The following LAMA2 variants were observed in gnomAD, a reference collection of about 807,000 sequenced individuals.
LAMA2 encodes laminin subunit alpha 2.
LAMA2 carries 269 observed loss-of-function variants against 364.8 expected under a neutral mutation model. That is an observed-to-expected ratio of 0.74 (90% CI 0.67 to 0.82). The LOEUF (loss-of-function observed/expected upper bound fraction) is 0.82, where lower values mean the gene tolerates loss of function less well. Ranked by LOEUF, LAMA2 falls within the 40% of genes least tolerant of loss-of-function variation. The pLI, the probability that LAMA2 is intolerant of heterozygous loss-of-function variation, is 0.00. For missense variants in LAMA2, 3,807 were observed against 3,873.2 expected, an observed-to-expected ratio of 0.98 and a Z score of 0.45; for synonymous variants, 1,379 against 1,370.6, an observed-to-expected ratio of 1.01 and a Z score of -0.14.
At chr6:129,147,542 A>G (rs888722987) in intron 6 of LAMA2, among the ~76,000 whole-genome samples, 1 of 151,950 alleles carries the variant, frequency 6.6e-6, no homozygotes, top group African/African-American at 2.4e-5. Context: ...GAGAGTACTG[A>G]TAGTGGCAAG....
At position 129,050,039 on chromosome 6, in the gene LAMA2, G is replaced by C. The variant is rs373941041; in HGVS notation, c.234G>C (p.Val78=). 7 of 1,614,064 alleles carry C rather than the reference G, an allele frequency of 4.3e-6. No individual in the cohort carries two copies. The highest frequency in any genetic ancestry group is 5.1e-6 in the Non-Finnish European group (6 of 1,180,038). The change falls in exon 2 of 65, where the codon GTG becomes GTC. Residue 78 remains valine, a synonymous_variant. Transcript: ENST00000421865. ...TAGAACATGTCCCTGGGCAGCCTGT[G>C]AGGAACCCGCAGTGTCGAATCTGCA... ...KLVEHVPGQP[V]RNPQCRICNQ...
intron 13 of LAMA2, 96 bp downstream of exon 13, chr6:129,250,309 T>A: frequency 1.3e-6 from 1 of 777,932 alleles, no homozygotes; most frequent in South Asian, 1.4e-5. Flanking sequence ...GACACTGACT[T>A]ACAGGACTAC....
intron 1 of LAMA2, among the ~76,000 whole-genome samples, chr6:129,017,880 A>C (rs562676671): frequency 6.6e-6 from 1 of 152,176 alleles, no homozygotes; most frequent in African/African-American, 2.4e-5. Flanking sequence ...TTAAGTTAGC[A>C]TCAAGGGTAA....
Position 128,883,183 on chromosome 6 carries a change from A to C in LAMA2, c.-63A>C. The C allele has an allele frequency of 6.9e-7, 1 of 1,459,450 alleles. No homozygotes were observed. The allele number at this position is 1,459,450 out of a possible 1,614,324, so 90.4% of individuals were successfully genotyped here. Reference sequence around the variant, plus strand: ...CTCGCTCAGCTCACAAGCCAAGGCCAGGGGACAGGGCGGCAGCGACTCCTC... The same window carrying C: ...CTCGCTCAGCTCACAAGCCAAGGCCCGGGGACAGGGCGGCAGCGACTCCTC... On this transcript the variant is annotated 5_prime_UTR_variant, in exon 1 of 65. Transcript: ENST00000421865.
chr6:129,034,997 C>A (rs1436861605), intron 1 of LAMA2, among the ~76,000 whole-genome samples: 8 of 152,086 alleles, frequency 5.3e-5, no homozygotes, highest in Admixed American at 5.2e-4. Context: ...TGGGTAGATA[C>A]CCAGTAATGG....
chr6:128,898,908 A>G (rs1371730845), intron 1 of LAMA2, among the ~76,000 whole-genome samples: 1 of 152,088 alleles, frequency 6.6e-6, no homozygotes, highest in African/African-American at 2.4e-5. Context: ...TGTCCAGAGC[A>G]TTGTTCCATT....
chr6:128,997,772 C>G (rs7774641), intron 1 of LAMA2, among the ~76,000 whole-genome samples: 52,119 of 151,862 alleles, frequency 0.34, 10,696 homozygotes, highest in African/African-American at 0.58. Context: ...TCCAGCCTGG[C>G]CAACAGAGCG....
intron 17 of LAMA2, among the ~76,000 whole-genome samples, chr6:129,272,406 A>G (rs1788001516): frequency 6.6e-6 from 1 of 152,160 alleles, no homozygotes; most frequent in African/African-American, 2.4e-5. Context: ...TGTGTAAACC[A>G]CCTAAACTGT....
intron 34 of LAMA2, among the ~76,000 whole-genome samples, chr6:129,379,393 A>C (rs1778554032): frequency 6.6e-6 from 1 of 152,128 alleles, no homozygotes; most frequent in African/African-American, 2.4e-5. Context: ...AAAAGTTAAA[A>C]AAATATAAAA....
intron 1 of LAMA2, among the ~76,000 whole-genome samples, chr6:128,992,047 G>C (rs145618142): frequency 7.2e-5 from 11 of 152,136 alleles, no homozygotes; most frequent in African/African-American, 2.4e-4. Flanking sequence ...TGTTTAAAAC[G>C]TCAGATGCAA....
intron 1 of LAMA2, among the ~76,000 whole-genome samples, chr6:128,889,985 A>G (rs1351329163): frequency 6.6e-6 from 1 of 152,146 alleles, no homozygotes; most frequent in Non-Finnish European, 1.5e-5. Flanking sequence ...AGTTCAAACA[A>G]CAAGTTAATC....
chr6:129,381,997 T>G (rs1043174459), intron 34 of LAMA2, among the ~76,000 whole-genome samples: 2 of 152,206 alleles, frequency 1.3e-5, no homozygotes, highest in African/African-American at 2.4e-5. Flanking sequence ...CTCTAGCGTC[T>G]TTTACCATGT....
chr6:129,371,685 C>A (rs1294604491), intron 34 of LAMA2, among the ~76,000 whole-genome samples: 1 of 150,500 alleles, frequency 6.6e-6, no homozygotes. Context: ...TGGCTCACTG[C>A]AACCTCCGCC....
chr6:129,258,174 C>A (rs1234258286), intron 14 of LAMA2, among the ~76,000 whole-genome samples: 1 of 152,024 alleles, frequency 6.6e-6, no homozygotes, highest in Non-Finnish European at 1.5e-5. Flanking sequence ...CTCATGCCAA[C>A]ATAAGTACTG....
intron 1 of LAMA2, among the ~76,000 whole-genome samples, chr6:128,898,233 G>T (rs66476613): frequency 0.097 from 14,756 of 152,048 alleles, 733 homozygotes; most frequent in African/African-American, 0.12. Context: ...TGGTCATAGG[G>T]TAGTCAAAGT....
chr6:129,311,113 T>G (rs1038430683), intron 22 of LAMA2, among the ~76,000 whole-genome samples: 21 of 151,592 alleles, frequency 1.4e-4, no homozygotes, highest in Admixed American at 9.9e-4. Flanking sequence ...AATACAAAAA[T>G]AATGATGAAG....
At chr6:129,387,222 G>A (rs1405872597) in intron 35 of LAMA2, among the ~76,000 whole-genome samples, 1 of 152,014 alleles carries the variant, frequency 6.6e-6, no homozygotes, top group Non-Finnish European at 1.5e-5. Flanking sequence ...TTGTTGCATA[G>A]GTATACCTGT....
chr6:129,369,558 G>A (rs528120232), intron 33 of LAMA2, among the ~76,000 whole-genome samples: 17 of 152,060 alleles, frequency 1.1e-4, no homozygotes, highest in South Asian at 8.3e-4. Context: ...GTGTGATCTC[G>A]TGCACATTTT....
rs755461457 is a variant in LAMA2 at position 129,391,650 on chromosome 6, T to G, written c.5231T>G (p.Leu1744Trp). Residue 1744 changes from leucine to tryptophan, a missense_variant, in exon 36 of 65, where the codon TTG becomes TGG. Coordinates refer to ENST00000421865, the MANE Select transcript of LAMA2 (RefSeq NM_000426.4). ...CAAAAGGAAATTGCTGAAGATGAGT[T>G]GGTGTGAGTAGATGAGTTATTATTT... ...ETQKEIAEDE[L>W]VAAEALLKKV... 13 of 1,612,408 alleles carry G rather than the reference T, an allele frequency of 8.1e-6. No homozygotes were observed. The highest frequency in any genetic ancestry group is 7.6e-6 in the Non-Finnish European group (9 of 1,178,602).
Sources: allele counts gnomAD v4.1 joint callset (sites outside exome capture counted in the v4.1 genomes callset), GRCh38; gene constraint gnomAD v4.1.1; transcripts MANE v1.5; gene names NCBI Gene and HGNC (gene_info 2026-07-23, HGNC 2026-07-21).